Variants in PDE10A observed in about 807,000 individuals in gnomAD.
PDE10A encodes cAMP and cAMP-inhibited cGMP 3',5'-cyclic phosphodiesterase 10A.
A neutral mutation model predicts 97.7 loss-of-function variants in PDE10A; 39 were observed. The ratio of observed to expected loss-of-function variants is 0.40; its 90% CI spans 0.31 to 0.52. The LOEUF (loss-of-function observed/expected upper bound fraction) is 0.52. Among genes scored for constraint, PDE10A ranks in the 20% least tolerant of loss-of-function variants. The pLI is 0.56. For synonymous variants in PDE10A, 371 were observed against 376.8 expected (o/e 0.98, Z 0.18); for missense variants, 731 against 1,047.8 (o/e 0.70, Z 4.17).
At chr6:165,437,622 T>C (rs1038980034) in intron 5 of PDE10A, among the ~76,000 whole-genome samples, 7 of 152,232 alleles carry the variant, frequency 4.6e-5, no homozygotes, top group Non-Finnish European at 8.8e-5. Flanking sequence ...TAGCTCATGA[T>C]TTTTGTTCAC....
chr6:165,431,252 G>A (rs931632615), intron 8 of PDE10A, among the ~76,000 whole-genome samples, 170 bp downstream of exon 8: 1 of 150,706 alleles, frequency 6.6e-6, no homozygotes, highest in Admixed American at 6.6e-5. Context: ...TTTAAGGCAG[G>A]GAGTAAGTAA....
chr6:165,595,785 G>A (rs1259759665), intron 1 of PDE10A, among the ~76,000 whole-genome samples: 2 of 152,162 alleles, frequency 1.3e-5, no homozygotes, highest in African/African-American at 4.8e-5. Flanking sequence ...CTATGTGTCT[G>A]CACATGGCTG....
In PDE10A at chr6:165,671,687, C is replaced by G. The variant is rs569729323; in HGVS notation, c.-614-128119G>C. On this transcript the variant is annotated intron_variant, in intron 1 of 19. Coordinates refer to the PDE10A transcript ENST00000366882. The surrounding 1 kb of genome is among the most constrained non-coding windows in gnomAD (Gnocchi z 4.6). The stretch of plus-strand genomic sequence containing the variant: ...GGATTATAAAACGGATGAAAAGCAG[C>G]TAGATATCACACACACACACACACA... 4.6e-5 allele frequency among the ~76,000 whole-genome samples: 7 copies of G among 151,426 alleles called. No homozygotes were observed. Among genetic ancestry groups the G allele is most frequent in the Admixed American group, 1.3e-4 (2 of 15,274 alleles).
intron 2 of PDE10A, among the ~76,000 whole-genome samples, chr6:165,519,898 T>C (rs1325118400): frequency 6.6e-6 from 1 of 152,184 alleles, no homozygotes; most frequent in Non-Finnish European, 1.5e-5. Flanking sequence ...CTAAGTCCTA[T>C]CTGACAGTTA....
chr6:165,942,806 T>C (rs1219180534), intron 1 of PDE10A, among the ~76,000 whole-genome samples: 2 of 152,168 alleles, frequency 1.3e-5, no homozygotes, highest in African/African-American at 4.8e-5. Flanking sequence ...TGGTTTATGG[T>C]GTTTGCCAAT....
At chr6:165,803,311 C>T (rs1280181473) in intron 1 of PDE10A, among the ~76,000 whole-genome samples, 1 of 152,174 alleles carries the variant, frequency 6.6e-6, no homozygotes, top group African/African-American at 2.4e-5. Flanking sequence ...ATGTTTTCAA[C>T]TTGTTCATCT....
Position 165,797,394 on chromosome 6 carries a change from C to T in PDE10A, c.-615+190135G>A, listed in dbSNP as rs559152932. Among the ~76,000 whole-genome samples, 18 of 152,288 alleles carry T rather than the reference C, an allele frequency of 1.2e-4. No individual in the cohort carries two copies. In the East Asian group the frequency reaches 3.3e-3, roughly 28 times the overall value. Reference sequence around the variant, plus strand: ...TATTTTTCTAAAGCTATCATTTATTCTACATATACGAGTGTGGATTTTTTC... The same window carrying T: ...TATTTTTCTAAAGCTATCATTTATTTTACATATACGAGTGTGGATTTTTTC... On this transcript the variant is annotated intron_variant, in intron 1 of 19. Transcript: ENST00000366882.
At chr6:165,506,367 G>A (rs1781192256) in intron 2 of PDE10A, among the ~76,000 whole-genome samples, 1 of 151,922 alleles carries the variant, frequency 6.6e-6, no homozygotes, top group African/African-American at 2.4e-5. Context: ...TAAATATTTT[G>A]GCATGTATAT....
At chr6:165,931,866 C>A (rs1783147228) in intron 1 of PDE10A, among the ~76,000 whole-genome samples, 1 of 152,100 alleles carries the variant, frequency 6.6e-6, no homozygotes, top group Non-Finnish European at 1.5e-5. Flanking sequence ...GAAAAAGCTC[C>A]AGGAGGTTGT....
chr6:165,811,470 A>G (rs1779281654), intron 1 of PDE10A, among the ~76,000 whole-genome samples: 1 of 152,084 alleles, frequency 6.6e-6, no homozygotes, highest in African/African-American at 2.4e-5. Context: ...CTGAATAAAC[A>G]GCATTATTCT....
chr6:165,974,400 A>C (rs2128502160), intron 1 of PDE10A, among the ~76,000 whole-genome samples: 1 of 152,328 alleles, frequency 6.6e-6, no homozygotes, highest in South Asian at 2.1e-4. Context: ...CTGGCACACC[A>C]CCCAGAGCCC....
At chr6:165,528,398 G>A (rs917837015) in intron 2 of PDE10A, among the ~76,000 whole-genome samples, 2 of 152,202 alleles carry the variant, frequency 1.3e-5, no homozygotes, top group African/African-American at 2.4e-5. Flanking sequence ...TGGAGGTTAC[G>A]CATGGGCTCA....
intron 1 of PDE10A, among the ~76,000 whole-genome samples, chr6:165,683,867 C>T (rs372017065): frequency 5.3e-5 from 8 of 152,322 alleles, no homozygotes; most frequent in African/African-American, 1.9e-4. Context: ...ACTTCCATGA[C>T]CGGTGTCCTA....
At position 165,647,819 on chromosome 6, in the gene PDE10A, C is replaced by T. The variant is rs546104526; in HGVS notation, c.865+14128G>A. Among the ~76,000 whole-genome samples the T allele has an allele frequency of 1.2e-4, 19 of 152,170 alleles. No homozygotes were observed. The East Asian group carries it at 1.7e-3, about 14-fold the overall frequency. ...TCAGAACCCAAGGAAACAATGGCTA[C>T]GTGTCTCAGCACTTGCTCTCCTGAA... On this transcript the variant is annotated intron_variant, in intron 1 of 21. Transcript: ENST00000539869.
intron 1 of PDE10A, among the ~76,000 whole-genome samples, chr6:165,598,330 G>T (rs966764435): frequency 2.6e-5 from 4 of 152,200 alleles, no homozygotes; most frequent in Non-Finnish European, 4.4e-5. Flanking sequence ...CTTAAAAACA[G>T]AATGTTTAAG....
intron 1 of PDE10A, among the ~76,000 whole-genome samples, chr6:165,788,449 G>A (rs528994174): frequency 8.5e-5 from 12 of 141,934 alleles, no homozygotes; most frequent in Non-Finnish European, 1.5e-4. Flanking sequence ...CCCAGGAGGC[G>A]GAGGTTTGCC....
In PDE10A at chr6:165,333,029, T is replaced by C. The variant is rs765850551; in HGVS notation, c.3164A>G (p.Asp1055Gly). 11 of 1,584,794 alleles carry C rather than the reference T, an allele frequency of 6.9e-6. No individual in the cohort carries two copies. The South Asian group carries it at 1.2e-4, about 17-fold the overall frequency. Residue 1055 changes from aspartate to glycine, a missense_variant, in exon 22 of 22, where the codon GAT becomes GGT. Physicochemically the swap from Asp to Gly is moderately conservative, Grantham distance 94. This residue lies in a region of PDE10A where 34 missense variants were observed against 29.7 expected (regional missense o/e 1.14). Transcript: ENST00000539869. ...SVAQKAAASE[D>G] is the part of the protein sequence containing the mutation. The stretch of plus-strand genomic sequence containing the variant: ...GCGTGTCAGGGTGACCAGTGCTCAA[T>C]CTTCAGATGCAGCTGCCTTCTGAGC...
At chr6:165,611,910 C>G (rs1787511778) in intron 1 of PDE10A, among the ~76,000 whole-genome samples, 1 of 152,230 alleles carries the variant, frequency 6.6e-6, no homozygotes. Flanking sequence ...GTAATAACCT[C>G]AAACAACTTC....
intron 16 of PDE10A, among the ~76,000 whole-genome samples, chr6:165,389,612 G>C (rs751040744): frequency 6.6e-6 from 1 of 152,200 alleles, no homozygotes. Context: ...TGAGGCGAAG[G>C]AGTCTACTTG....
Sources: gnomAD v4.1 joint callset for allele counts (sites outside exome capture counted in the v4.1 genomes callset) on GRCh38, gnomAD v4.1.1 for gene constraint, gnomAD v4.1.1 regional missense constraint, Gnocchi (gnomAD v3.1) non-coding constraint, MANE v1.5 for transcripts, NCBI Gene and HGNC (gene_info 2026-07-23, HGNC 2026-07-21) for gene names.